Variants in KLF12 observed in about 807,000 individuals in gnomAD.
The protein encoded by KLF12 is KLF transcription factor 12.
Under a neutral mutation model 37.8 loss-of-function variants are expected in KLF12, and 9 were observed. The observed-to-expected ratio is 0.24, with a 90% CI of 0.14 to 0.42. KLF12 has a LOEUF of 0.42. Among genes scored for constraint, KLF12 ranks in the 10% least tolerant of loss-of-function variants. The pLI is 1.00. For synonymous variants in KLF12, 208 were observed against 202.1 expected (o/e 1.03, Z -0.25); for missense variants, 411 against 516.0 (o/e 0.80, Z 1.97).
intron 3 of KLF12, among the ~76,000 whole-genome samples, chr13:73,862,128 T>C (rs370636604): frequency 6.6e-6 from 1 of 151,920 alleles, no homozygotes; most frequent in Non-Finnish European, 1.5e-5. Flanking sequence ...AATGCAGTTG[T>C]GATCTCTAAA....
the KLF12 span, among the ~76,000 whole-genome samples, chr13:74,190,276 C>T: frequency 6.6e-6 from 1 of 152,056 alleles, no homozygotes; most frequent in African/African-American, 2.4e-5. Context: ...AAAACACTAT[C>T]TTAGTAGAGT....
At chr13:74,079,151 A>C (rs1874732811) in intron 1 of KLF12, among the ~76,000 whole-genome samples, 3 of 152,190 alleles carry the variant, frequency 2.0e-5, no homozygotes, top group Admixed American at 2.0e-4. Context: ...CAGTCACCAG[A>C]AGAAATCACT....
the KLF12 span, among the ~76,000 whole-genome samples, chr13:74,290,522 C>T: frequency 6.6e-6 from 1 of 152,210 alleles, no homozygotes; most frequent in Non-Finnish European, 1.5e-5. Context: ...GCTGCTGCTT[C>T]CACAAATAGA....
intron 1 of KLF12, among the ~76,000 whole-genome samples, chr13:74,031,462 A>G (rs1893110649): frequency 6.6e-6 from 1 of 152,130 alleles, no homozygotes; most frequent in South Asian, 2.1e-4. Context: ...AATTATCATC[A>G]TGTCTCTTTT....
the KLF12 span, among the ~76,000 whole-genome samples, chr13:74,267,299 G>A: frequency 5.9e-5 from 9 of 152,162 alleles, no homozygotes; most frequent in Admixed American, 5.9e-4. Context: ...CCATCAAAAT[G>A]TATCCTTATA....
chr13:73,994,305 G>A (rs1689995231), intron 2 of KLF12, among the ~76,000 whole-genome samples: 1 of 152,156 alleles, frequency 6.6e-6, no homozygotes, highest in African/African-American at 2.4e-5. Flanking sequence ...GACCTGTTCA[G>A]TGTAAAACCC....
At chr13:74,253,370 T>G in the KLF12 span, among the ~76,000 whole-genome samples, 2 of 152,134 alleles carry the variant, frequency 1.3e-5, no homozygotes, top group African/African-American at 4.8e-5. Flanking sequence ...CTGAGAAACC[T>G]GCATGTGAAG....
chr13:73,916,853 C>T (rs992038484), intron 3 of KLF12, among the ~76,000 whole-genome samples: 3 of 152,156 alleles, frequency 2.0e-5, no homozygotes, highest in Non-Finnish European at 2.9e-5. Flanking sequence ...ACTGTAAGTG[C>T]AAGGACTGAC....
At chr13:74,298,606 T>C in the KLF12 span, among the ~76,000 whole-genome samples, 1 of 152,096 alleles carries the variant, frequency 6.6e-6, no homozygotes, top group African/African-American at 2.4e-5. Flanking sequence ...GAGGCTAAAA[T>C]GGCAGGGTTT....
the KLF12 span, among the ~76,000 whole-genome samples, chr13:74,182,727 T>G: frequency 6.6e-6 from 1 of 152,234 alleles, no homozygotes; most frequent in Non-Finnish European, 1.5e-5. Flanking sequence ...ATACATTTCC[T>G]TATAGAAACC....
intron 1 of KLF12, among the ~76,000 whole-genome samples, chr13:74,020,132 C>T (rs1176241824): frequency 6.6e-6 from 1 of 152,190 alleles, no homozygotes; most frequent in Non-Finnish European, 1.5e-5. Context: ...CGTATCTTTT[C>T]ATGCAATATA....
chr13:74,015,350 C>A (rs1892660565), intron 1 of KLF12, among the ~76,000 whole-genome samples: 1 of 152,082 alleles, frequency 6.6e-6, no homozygotes, highest in South Asian at 2.1e-4. Context: ...CTATTTTCTT[C>A]TAATATAAAT....
intron 3 of KLF12, among the ~76,000 whole-genome samples, chr13:73,868,515 C>T (rs902458184): frequency 1.3e-5 from 2 of 151,788 alleles, no homozygotes; most frequent in Non-Finnish European, 2.9e-5. Context: ...CTCAGCCTCC[C>T]GAGTAGCTGG....
chr13:74,235,071 G>T, the KLF12 span, among the ~76,000 whole-genome samples: 1 of 152,136 alleles, frequency 6.6e-6, no homozygotes, highest in Non-Finnish European at 1.5e-5. Context: ...CTTGCTTTCT[G>T]GTTTTTGATG....
intron 5 of KLF12, among the ~76,000 whole-genome samples, chr13:73,797,568 G>A (rs758685825): frequency 2.6e-5 from 4 of 151,964 alleles, no homozygotes; most frequent in African/African-American, 9.7e-5. Flanking sequence ...CCACGATTTC[G>A]AGACCAGCCT....
the KLF12 span, among the ~76,000 whole-genome samples, chr13:74,238,372 G>A: frequency 7.4e-6 from 1 of 135,212 alleles, no homozygotes; most frequent in Non-Finnish European, 1.5e-5. Flanking sequence ...TTGCATCAAT[G>A]TTCATCAAGG....
the KLF12 span, among the ~76,000 whole-genome samples, chr13:74,196,483 G>T: frequency 7.2e-5 from 11 of 152,254 alleles, no homozygotes; most frequent in East Asian, 2.1e-3. Flanking sequence ...AAAGAAGATG[G>T]ATTCAACTCT....
intron 5 of KLF12, among the ~76,000 whole-genome samples, chr13:73,776,925 T>C (rs756072296): frequency 1.7e-4 from 26 of 152,024 alleles, no homozygotes; most frequent in Admixed American, 1.1e-3. Context: ...AACTAAGACA[T>C]AGCCTCTGAT....
intron 2 of KLF12, among the ~76,000 whole-genome samples, chr13:73,948,228 CT>C (rs368404181): frequency 0.056 from 8,279 of 146,754 alleles, 284 homozygotes; most frequent in African/African-American, 0.1. Context: ...ATAGCAGATT[CT>C]TTTTTTTTTT....
Sources: allele counts gnomAD v4.1 joint callset (sites outside exome capture counted in the v4.1 genomes callset), GRCh38; gene constraint gnomAD v4.1.1; transcripts MANE v1.5; gene names NCBI Gene and HGNC (gene_info 2026-07-23, HGNC 2026-07-21).